The following SCFD1 variants were observed in gnomAD, a reference collection of about 807,000 sequenced individuals.
The protein encoded by SCFD1 is sec1 family domain containing 1, also known as sec1 family domain-containing protein 1.
In SCFD1, 37 loss-of-function variants were observed where a neutral mutation model predicts 103.2. The ratio of observed to expected loss-of-function variants is 0.36; its 90% CI spans 0.28 to 0.47. SCFD1 has a LOEUF of 0.47. Ranked by LOEUF, SCFD1 falls within the 20% of genes least tolerant of loss-of-function variation. The pLI is 1.00. For missense variants in SCFD1, 639 were observed against 761.2 expected (o/e 0.84, Z 1.89); for synonymous variants, 264 against 245.0 (o/e 1.08, Z -0.73).
chr14:30,677,796 C>G (rs952949405), intron 14 of SCFD1, among the ~76,000 whole-genome samples: 1 of 112,996 alleles, frequency 8.8e-6, no homozygotes, highest in African/African-American at 3.4e-5. Context: ...CTGAGCTTTA[C>G]TTACTTGTGA....
chr14:30,706,010 T>TTCCGCATTCAAAGTATC, intron 18 of SCFD1, 125 bp downstream of exon 18: 1 of 685,884 alleles, frequency 1.5e-6, no homozygotes, highest in Non-Finnish European at 2.5e-6. Flanking sequence ...TGGTGACATT[T>TTCCGCATTCAAAGTATC]AGATGGCTGA....
upstream of SCFD1, chr14:30,622,269 G>A (rs1882893121): frequency 1.3e-6 from 2 of 1,578,772 alleles, no homozygotes; most frequent in Non-Finnish European, 8.6e-7. Context: ...TTTGCTTCCG[G>A]GGCGGTAAGG....
chr14:30,720,915 T>C (rs1185447223), intron 21 of SCFD1, among the ~76,000 whole-genome samples: 5 of 152,206 alleles, frequency 3.3e-5, no homozygotes, highest in African/African-American at 1.2e-4. Flanking sequence ...ATGTAGTTTA[T>C]GCATGGTAAT....
At chr14:30,699,851 G>C (rs1441796840) in intron 15 of SCFD1, among the ~76,000 whole-genome samples, 2 of 152,160 alleles carry the variant, frequency 1.3e-5, no homozygotes, top group Non-Finnish European at 2.9e-5. Flanking sequence ...CACCTCAAAA[G>C]TATCCTGTTT....
At chr14:30,730,588 T>G (rs1214448890) in intron 23 of SCFD1, among the ~76,000 whole-genome samples, 4 of 152,254 alleles carry the variant, frequency 2.6e-5, no homozygotes, top group African/African-American at 9.6e-5. Flanking sequence ...TGGTTTTGAT[T>G]TGCATTTCTC....
intron 19 of SCFD1, among the ~76,000 whole-genome samples, chr14:30,711,317 G>T (rs941866327): frequency 3.9e-5 from 6 of 152,160 alleles, no homozygotes; most frequent in African/African-American, 1.2e-4. Context: ...TATAAAACAT[G>T]ATTTTATATG....
At chr14:30,711,841 G>A (rs1286859746) in intron 19 of SCFD1, among the ~76,000 whole-genome samples, 1 of 152,106 alleles carries the variant, frequency 6.6e-6, no homozygotes, top group East Asian at 1.9e-4. Context: ...GTATATTGGA[G>A]ACTTTCTTTA....
chr14:30,657,296 C>A (rs1013001370), intron 10 of SCFD1, among the ~76,000 whole-genome samples: 2 of 152,106 alleles, frequency 1.3e-5, no homozygotes, highest in East Asian at 3.9e-4. Flanking sequence ...GACTCAGTCT[C>A]CATTGTCAGA....
chr14:30,673,453 C>G (rs1406749006), intron 12 of SCFD1, 106 bp downstream of exon 12: 3 of 509,246 alleles, frequency 5.9e-6, no homozygotes, highest in South Asian at 8.0e-5. Context: ...CCATTTAATG[C>G]TTTTATAACA....
At chr14:30,628,174 CAA>C in intron 1 of SCFD1, 33 bp from the exon 2 acceptor site, 1 of 1,487,298 alleles carries the variant, frequency 6.7e-7, no homozygotes, top group Non-Finnish European at 9.3e-7. Context: ...TCCTAAAAAA[CAA>C]TGACAATATT....
chr14:30,718,396 A>G (rs1410134669), intron 20 of SCFD1, among the ~76,000 whole-genome samples: 1 of 152,204 alleles, frequency 6.6e-6, no homozygotes, highest in East Asian at 1.9e-4. Flanking sequence ...CTTGACTTTC[A>G]CTTTATAACT....
At chr14:30,654,864 T>C (rs1886750175) in intron 10 of SCFD1, among the ~76,000 whole-genome samples, 1 of 152,122 alleles carries the variant, frequency 6.6e-6, no homozygotes, top group Non-Finnish European at 1.5e-5. Flanking sequence ...TTTAATTCAG[T>C]AGACAGGGCA....
intron 16 of SCFD1, among the ~76,000 whole-genome samples, chr14:30,701,625 A>G (rs186343479): frequency 2.0e-5 from 3 of 152,300 alleles, no homozygotes; most frequent in African/African-American, 7.2e-5. Context: ...AGCCTAATTA[A>G]AATATTTTTC....
chr14:30,671,751 T>A (rs1888560609), intron 11 of SCFD1, among the ~76,000 whole-genome samples: 1 of 152,164 alleles, frequency 6.6e-6, no homozygotes, highest in Non-Finnish European at 1.5e-5. Context: ...ATAATAATTC[T>A]ACCTATTGCC....
At chr14:30,713,105 T>A in intron 19 of SCFD1, among the ~76,000 whole-genome samples, 2 of 152,266 alleles carry the variant, frequency 1.3e-5, no homozygotes, top group East Asian at 3.9e-4. Flanking sequence ...AATATATAAT[T>A]GATTTTTTTT....
At chr14:30,705,489 G>C (rs1891407317) in intron 17 of SCFD1, among the ~76,000 whole-genome samples, 1 of 152,168 alleles carries the variant, frequency 6.6e-6, no homozygotes, top group South Asian at 2.1e-4. Flanking sequence ...AAGAATTTCA[G>C]GCTGGGCGCA....
chr14:30,681,810 T>C (rs752402333), intron 14 of SCFD1, among the ~76,000 whole-genome samples: 11 of 152,160 alleles, frequency 7.2e-5, no homozygotes, highest in Non-Finnish European at 1.3e-4. Flanking sequence ...TGTAATGAGG[T>C]AGTAATTAAT....
intron 9 of SCFD1, among the ~76,000 whole-genome samples, chr14:30,652,052 A>G (rs1886441149): frequency 6.6e-6 from 1 of 152,150 alleles, no homozygotes. Flanking sequence ...ATCCTCCCTT[A>G]CCTTCCATCT....
chr14:30,711,240 T>TA (rs376505216), intron 19 of SCFD1, among the ~76,000 whole-genome samples: 91 of 152,256 alleles, frequency 6.0e-4, no homozygotes, highest in African/African-American at 2.0e-3. Context: ...ATCCATAGAT[T>TA]AAAAAAAGAC....
Sources: allele counts gnomAD v4.1 joint callset (sites outside exome capture counted in the v4.1 genomes callset), GRCh38; gene constraint gnomAD v4.1.1; transcripts MANE v1.5; gene names NCBI Gene and HGNC (gene_info 2026-07-23, HGNC 2026-07-21).